TMEM260: variants seen among roughly 807,000 people sequenced by gnomAD.
TMEM260 encodes protein O-mannosyl-transferase TMEM260.
In TMEM260, 82 loss-of-function variants were observed where a neutral mutation model predicts 88.9. The ratio of observed to expected loss-of-function variants is 0.92; its 90% CI spans 0.77 to 1.11. The LOEUF (loss-of-function observed/expected upper bound fraction) is 1.11, where lower values mean the gene tolerates loss of function less well. TMEM260 is among the 50% of genes least tolerant of loss of function. TMEM260 has a pLI of 0.00. For synonymous variants in TMEM260, 314 were observed against 309.3 expected (o/e 1.02, Z -0.16); for missense variants, 902 against 853.4 (o/e 1.06, Z -0.71).
chr14:56,609,046 G>A (rs1006116882), intron 5 of TMEM260, 60 bp from the exon 6 acceptor site: 2 of 1,539,324 alleles, frequency 1.3e-6, no homozygotes, highest in Non-Finnish European at 1.8e-6. Context: ...TGTTCTTGAA[G>A]TTCCGAGATG....
At chr14:56,584,024 G>GTA (rs1885320445) in intron 1 of TMEM260, among the ~76,000 whole-genome samples, 1 of 139,210 alleles carries the variant, frequency 7.2e-6, no homozygotes, top group African/African-American at 2.7e-5. Context: ...GTGTGTGTGT[G>GTA]TGTATGTGTT....
At chr14:56,655,958 G>T in the TMEM260 span, among the ~76,000 whole-genome samples, 53 of 152,128 alleles carry the variant, frequency 3.5e-4, 1 homozygote, top group Non-Finnish European at 2.9e-5. Flanking sequence ...TTGGAAGGAT[G>T]TGGGTCTGGA....
chr14:56,599,970 AGAT>A (rs534535315), intron 3 of TMEM260, among the ~76,000 whole-genome samples: 48 of 152,352 alleles, frequency 3.2e-4, no homozygotes, highest in African/African-American at 1.1e-3. Flanking sequence ...AAATGAAAAG[AGAT>A]GATGATTAGT....
intron 7 of TMEM260, among the ~76,000 whole-genome samples, chr14:56,614,220 A>T (rs1395192913): frequency 4.3e-4 from 11 of 25,306 alleles, no homozygotes; most frequent in Admixed American, 4.5e-4. Context: ...ACAAAACATT[A>T]AAAAAAAAAA....
chr14:56,622,680 C>T (rs1023797194), intron 11 of TMEM260, among the ~76,000 whole-genome samples: 1 of 151,886 alleles, frequency 6.6e-6, no homozygotes, highest in South Asian at 2.1e-4. Flanking sequence ...AGAAACCTGT[C>T]TCTGGTGTTT....
intron 3 of TMEM260, among the ~76,000 whole-genome samples, chr14:56,595,568 C>T (rs1261503154): frequency 6.6e-6 from 1 of 152,174 alleles, no homozygotes; most frequent in Admixed American, 6.5e-5. Flanking sequence ...CAGCCTCAAC[C>T]TCCTGGGCTC....
intron 15 of TMEM260, among the ~76,000 whole-genome samples, chr14:56,636,944 T>G (rs1007601550): frequency 6.6e-6 from 1 of 152,150 alleles, no homozygotes; most frequent in Non-Finnish European, 1.5e-5. Flanking sequence ...GGGCCCAACA[T>G]AATCATAAAG....
intron 10 of TMEM260, among the ~76,000 whole-genome samples, chr14:56,619,861 A>T (rs1887807293): frequency 6.6e-6 from 1 of 152,234 alleles, no homozygotes; most frequent in South Asian, 2.1e-4. Context: ...AGCGCTATTC[A>T]CAATAACAAA....
intron 3 of TMEM260, among the ~76,000 whole-genome samples, chr14:56,596,394 G>GTA (rs1457636607): frequency 6.4e-5 from 8 of 124,918 alleles, no homozygotes; most frequent in Non-Finnish European, 1.0e-4. Flanking sequence ...GTGTGTGTGT[G>GTA]TGTGTGTGTG....
At position 56,585,824 on chromosome 14, in the gene TMEM260, C is replaced by G; in HGVS notation, c.256C>G (p.Pro86Ala). Residue 86 changes from proline to alanine, a missense_variant, in exon 3 of 16, where the codon CCT becomes GCT. By Grantham distance (27) the Pro-to-Ala change is conservative. Coordinates refer to ENST00000261556, the MANE Select transcript of TMEM260 (RefSeq NM_017799.4). Reference sequence around the variant, plus strand: ...GGCTAAACTGGCAATTACACTGTTTCCTTTTGGTTCAATTGCCTACCGCGT... The same window carrying G: ...GGCTAAACTGGCAATTACACTGTTTGCTTTTGGTTCAATTGCCTACCGCGT... The part of the protein sequence containing the change: ...LVAKLAITLF[P>A]FGSIAYRVNL... 1.2e-6 allele frequency: 2 copies of G among 1,613,672 alleles called. No homozygotes were observed. The highest frequency in any genetic ancestry group is 1.7e-6 in the Non-Finnish European group (2 of 1,179,696).
intron 7 of TMEM260, chr14:56,613,288 A>G (rs890103957): frequency 2.0e-5 from 3 of 152,126 alleles, no homozygotes; most frequent in African/African-American, 7.2e-5. Context: ...TATGTGAGGC[A>G]GTTTATGAGT....
Position 56,605,552 on chromosome 14 carries a change from T to G in TMEM260, c.523-18T>G, listed in dbSNP as rs753670504. On this transcript the variant is annotated intron_variant, in intron 4 of 15. Transcript: ENST00000261556. ...AGGTGAATTTTTTACTTAATTTTTT[T>G]TTTTAATTTATTTTCAGGTAGCTAA... The G allele has an allele frequency of 4.1e-5, 58 of 1,404,082 alleles. 1 individual carries two copies. In the East Asian group the frequency reaches 1.3e-3, roughly 32 times the overall value. The allele number at this position is 1,404,082 out of a possible 1,614,324, so 87.0% of individuals were successfully genotyped here.
chr14:56,642,235 C>T (rs1889652248), intron 15 of TMEM260, among the ~76,000 whole-genome samples: 1 of 152,038 alleles, frequency 6.6e-6, no homozygotes, highest in Admixed American at 6.5e-5. Context: ...GCACTTATTC[C>T]AAAATTGACC....
At chr14:56,636,442 TTTAGCTAGCCCTGAATGTGC>T in intron 14 of TMEM260, 46 bp from the exon 15 acceptor site, 7 of 1,293,130 alleles carry the variant, frequency 5.4e-6, no homozygotes, top group Non-Finnish European at 7.9e-6. Context: ...GCCTGGAAGA[TTTAGCTAGCCCTGAATGTGC>T]AATTGACTGT....
chr14:56,625,647 TG>T (rs1462373654), intron 12 of TMEM260, 117 bp downstream of exon 12: 1 of 695,978 alleles, frequency 1.4e-6, no homozygotes. Context: ...TCCCTGTCAC[TG>T]GTGAGATTAT....
At chr14:56,619,091 A>G (rs1887757763) in intron 10 of TMEM260, among the ~76,000 whole-genome samples, 2 of 152,214 alleles carry the variant, frequency 1.3e-5, no homozygotes, top group Admixed American at 1.3e-4. Flanking sequence ...TTAGATGGAG[A>G]GTAAAATGAT....
In TMEM260 at chr14:56,605,586, C is replaced by A; in HGVS notation, c.539C>A (p.Ala180Asp). ...KERSKVAKIG[A>D]FCCGLSLCNQ... Reference sequence around the variant, plus strand: ...TATTTTCAGGTAGCTAAAATTGGTGCTTTCTGCTGTGGCCTTAGTTTATGT... The same window carrying A: ...TATTTTCAGGTAGCTAAAATTGGTGATTTCTGCTGTGGCCTTAGTTTATGT... Residue 180 changes from alanine (A) to aspartate (D), a missense_variant, in exon 5 of 16, where the codon GCT becomes GAT. Coordinates refer to ENST00000261556, the MANE Select transcript of TMEM260 (RefSeq NM_017799.4). The A allele has an allele frequency of 6.6e-7, 1 of 1,516,882 alleles. No homozygotes were observed. Among genetic ancestry groups the A allele is most frequent in the Non-Finnish European group, 8.8e-7 (1 of 1,132,804 alleles). 94.0% of individuals were successfully genotyped at this position (1,516,882 alleles called of 1,614,324 possible).
intron 5 of TMEM260, among the ~76,000 whole-genome samples, chr14:56,607,485 C>A (rs117460740): frequency 6.6e-6 from 1 of 152,092 alleles, no homozygotes; most frequent in Non-Finnish European, 1.5e-5. Context: ...ATAAGGCCTA[C>A]CAATGAAGTA....
intron 14 of TMEM260, 66 bp downstream of exon 14, chr14:56,635,018 C>A: frequency 6.9e-7 from 1 of 1,443,302 alleles, no homozygotes; most frequent in South Asian, 1.2e-5. Flanking sequence ...GCTTATGGCA[C>A]TTTTAATTTT....
Sources: gnomAD v4.1 joint callset for allele counts (sites outside exome capture counted in the v4.1 genomes callset) on GRCh38, gnomAD v4.1.1 for gene constraint, MANE v1.5 for transcripts, NCBI Gene and HGNC (gene_info 2026-07-23, HGNC 2026-07-21) for gene names.